CHL1: variants seen among roughly 807,000 people sequenced by gnomAD.
CHL1 encodes neural cell adhesion molecule L1-like protein.
In CHL1, 96 loss-of-function variants were observed where a neutral mutation model predicts 141.9. The ratio of observed to expected loss-of-function variants is 0.68; its 90% CI spans 0.57 to 0.80. CHL1 has a LOEUF of 0.80. Ranked by LOEUF, CHL1 falls within the 30% of genes least tolerant of loss-of-function variation. The probability of loss-of-function intolerance (pLI) is 0.00; values close to 1 mark genes in which losing one functional copy is unlikely to be tolerated. For synonymous variants in CHL1, 613 were observed against 502.2 expected (o/e 1.22, Z -2.95); for missense variants, 1,820 against 1,457.2 (o/e 1.25, Z -4.05).
At chr3:254,598 A>G (rs1309273778) in intron 2 of CHL1, among the ~76,000 whole-genome samples, 2 of 152,198 alleles carry the variant, frequency 1.3e-5, no homozygotes, top group Non-Finnish European at 2.9e-5. Flanking sequence ...TTGTGCTGCT[A>G]TAATAGAATA....
At chr3:368,864 C>G (rs117958907) in intron 15 of CHL1, among the ~76,000 whole-genome samples, 1 of 152,006 alleles carries the variant, frequency 6.6e-6, no homozygotes, top group South Asian at 2.1e-4. Context: ...CTTTCCCCAG[C>G]GCTTCGATTT....
intron 11 of CHL1, among the ~76,000 whole-genome samples, chr3:359,308 T>C (rs2125250435): frequency 6.6e-6 from 1 of 152,130 alleles, no homozygotes; most frequent in African/African-American, 2.4e-5. Flanking sequence ...TTCCTTTTCT[T>C]TTTCTTCACT....
intron 2 of CHL1, among the ~76,000 whole-genome samples, chr3:252,032 G>T (rs1173683492): frequency 1.3e-5 from 2 of 151,906 alleles, no homozygotes; most frequent in African/African-American, 2.4e-5. Context: ...CCAACCATAA[G>T]GTTAAACTTT....
chr3:198,788 T>C (rs887161262), intron 1 of CHL1, among the ~76,000 whole-genome samples: 2 of 152,224 alleles, frequency 1.3e-5, no homozygotes, highest in African/African-American at 4.8e-5. Flanking sequence ...CTGCGTTTTC[T>C]AATTTTGGAG....
chr3:279,775 G>A lies in CHL1; in HGVS notation c.-95+35083G>A, dbSNP rs1696468913. 3.3e-5 allele frequency among the ~76,000 whole-genome samples: 5 copies of A among 152,162 alleles called. No individual in the cohort carries two copies. The South Asian group carries it at 1.0e-3, about 32-fold the overall frequency. The stretch of plus-strand genomic sequence containing the variant: ...GTACCAGAGACAATGAGAGAAGTGG[G>A]CAGTGATTGGAAGGGAATCCGAAGT... On this transcript the variant is annotated intron_variant, in intron 2 of 27. Transcript: ENST00000256509.
chr3:216,618 T>C (rs925695031), intron 1 of CHL1, among the ~76,000 whole-genome samples: 3 of 152,226 alleles, frequency 2.0e-5, no homozygotes, highest in African/African-American at 7.2e-5. Context: ...TTCAAATTTC[T>C]CCTATCACTG....
intron 1 of CHL1, among the ~76,000 whole-genome samples, chr3:223,102 T>C (rs924167280): frequency 2.0e-5 from 3 of 152,192 alleles, no homozygotes; most frequent in Non-Finnish European, 4.4e-5. Context: ...ATTTCCAATG[T>C]AAGGTAATAT....
chr3:288,615 G>A (rs924066089), intron 2 of CHL1, among the ~76,000 whole-genome samples: 3 of 152,162 alleles, frequency 2.0e-5, no homozygotes, highest in Non-Finnish European at 4.4e-5. Flanking sequence ...GGCCATGAAG[G>A]AGGATGTGAT....
At chr3:272,533 AGAG>A (rs746357801) in intron 2 of CHL1, among the ~76,000 whole-genome samples, 7 of 152,238 alleles carry the variant, frequency 4.6e-5, no homozygotes, top group African/African-American at 1.7e-4. Context: ...GGTAGCTAAT[AGAG>A]TACACTAGTG....
At chr3:282,632 G>A (rs1286317217) in intron 2 of CHL1, 1 of 152,156 alleles carries the variant, frequency 6.6e-6, no homozygotes, top group African/African-American at 2.4e-5. Context: ...TTGGTTGACT[G>A]TTTGTGACTG....
intron 2 of CHL1, among the ~76,000 whole-genome samples, chr3:295,333 T>A (rs1180457143): frequency 2.0e-5 from 3 of 152,206 alleles, no homozygotes. Context: ...GAGTTTCTAG[T>A]GTCCCGAAGC....
intron 15 of CHL1, among the ~76,000 whole-genome samples, chr3:366,326 C>G (rs1221838785): frequency 1.3e-5 from 2 of 151,886 alleles, no homozygotes; most frequent in Non-Finnish European, 2.9e-5. Context: ...CAAAAATTAG[C>G]CGGGCATGAT....
Position 250,286 on chromosome 3 carries a change from G to A in CHL1, c.-95+5594G>A, listed in dbSNP as rs147161971. On this transcript the variant is annotated intron_variant, in intron 2 of 27. Coordinates refer to ENST00000256509, the MANE Select transcript of CHL1 (RefSeq NM_006614.4). ...TATTAGTAATTTAATTTTTACATGC[G>A]GAGAGGATGTCATAGTAAAGAAGTG... Among the ~76,000 whole-genome samples the A allele has an allele frequency of 3.2e-3, 482 of 152,124 alleles. 3 individuals are homozygous for A. The highest frequency in any genetic ancestry group is 0.011 in the African/African-American group (452 of 41,484).
At chr3:255,025 C>G (rs142205023) in intron 2 of CHL1, among the ~76,000 whole-genome samples, 186 of 152,284 alleles carry the variant, frequency 1.2e-3, no homozygotes, top group African/African-American at 4.4e-3. Context: ...ATCTCCATCT[C>G]TAGCTACAAT....
At chr3:321,848 G>T (rs1207795805) in intron 3 of CHL1, among the ~76,000 whole-genome samples, 1 of 152,008 alleles carries the variant, frequency 6.6e-6, no homozygotes. Flanking sequence ...GAATGTCAAG[G>T]AGTCTGGTGT....
intron 2 of CHL1, among the ~76,000 whole-genome samples, chr3:260,099 T>C (rs1425994395): frequency 6.6e-6 from 1 of 152,088 alleles, no homozygotes; most frequent in Non-Finnish European, 1.5e-5. Context: ...ACCCTGTCTC[T>C]ACTAAAAATA....
At chr3:313,197 G>A (rs1043980823) in intron 2 of CHL1, among the ~76,000 whole-genome samples, 2 of 152,074 alleles carry the variant, frequency 1.3e-5, no homozygotes, top group Admixed American at 1.3e-4. Flanking sequence ...AAATGGTGAC[G>A]ATAAGAGTCA....
chr3:332,861 A>G (rs330896), intron 5 of CHL1, among the ~76,000 whole-genome samples: 128,264 of 152,050 alleles, frequency 0.84, 54,606 homozygotes, highest in Middle Eastern at 0.91. Context: ...AGTCATGAGG[A>G]TGATTCCTAA....
chr3:212,496 T>C (rs1311814264), intron 1 of CHL1, among the ~76,000 whole-genome samples: 1 of 152,200 alleles, frequency 6.6e-6, no homozygotes, highest in Non-Finnish European at 1.5e-5. Context: ...ACCTGCAACC[T>C]TTCCTTCACT....
Sources: allele counts gnomAD v4.1 joint callset (sites outside exome capture counted in the v4.1 genomes callset), GRCh38; gene constraint gnomAD v4.1.1; transcripts MANE v1.5; gene names NCBI Gene and HGNC (gene_info 2026-07-23, HGNC 2026-07-21).